CR1: variants seen among roughly 807,000 people sequenced by gnomAD.
CR1 encodes the protein complement C3b/C4b receptor 1 (Knops blood group).
In CR1, 116 loss-of-function variants were observed where a neutral mutation model predicts 187.3. The ratio of observed to expected loss-of-function variants is 0.62; its 90% CI spans 0.53 to 0.72. The LOEUF (loss-of-function observed/expected upper bound fraction) is 0.72. Among genes scored for constraint, CR1 ranks in the 30% least tolerant of loss-of-function variants. The pLI is 0.00. For synonymous variants in CR1, 576 were observed against 747.1 expected, an observed-to-expected ratio of 0.77 and a Z score of 3.73; for missense variants, 1,731 against 2,110.7, an observed-to-expected ratio of 0.82 and a Z score of 3.52.
chr1:207,518,566 G>A (rs1245186840), intron 4 of CR1, among the ~76,000 whole-genome samples: 1 of 152,180 alleles, frequency 6.6e-6, no homozygotes, highest in African/African-American at 2.4e-5. Context: ...CAGAAATCCA[G>A]TTAAGATGTC....
At chr1:207,519,786 C>T (rs1659918777) in intron 4 of CR1, among the ~76,000 whole-genome samples, 1 of 152,032 alleles carries the variant, frequency 6.6e-6, no homozygotes, top group Admixed American at 6.6e-5. Flanking sequence ...AGGAAACTGA[C>T]GTACAGAAAA....
chr1:207,505,299 G>A (rs769562478), intron 1 of CR1, among the ~76,000 whole-genome samples: 1 of 152,096 alleles, frequency 6.6e-6, no homozygotes, highest in Non-Finnish European at 1.5e-5. Flanking sequence ...GCACAGGCAT[G>A]TGTACAGGCA....
intron 37 of CR1, among the ~76,000 whole-genome samples, chr1:207,610,413 G>A (rs1558265681): frequency 6.6e-6 from 1 of 152,034 alleles, no homozygotes; most frequent in Non-Finnish European, 1.5e-5. Context: ...GTTCACTGAA[G>A]CCTCTAACTC....
rs762000312 is a variant in CR1 at position 207,580,341 on chromosome 1, T to C, written c.5038T>C (p.Tyr1680His). 1 of 1,613,978 alleles carries C rather than the reference T, an allele frequency of 6.2e-7. No homozygotes were observed. The highest frequency in any genetic ancestry group is 1.7e-5 in the Admixed American group (1 of 60,020). ...QEVFYSCEPGYDLRGAASLHC... is the reference protein window; with the variant it reads ...QEVFYSCEPGHDLRGAASLHC... ...AGTGTTCTACAGCTGTGAGCCTGGC[T>C]ATGACCTCAGAGGGGCTGCGTCTCT... The change falls in exon 30 of 47, where the codon TAT becomes CAT. Residue 1680 changes from tyrosine (Y) to histidine (H), a missense_variant. By Grantham distance (83) the Tyr-to-His change is moderately conservative. Coordinates refer to ENST00000367049, the MANE Select transcript of CR1 (RefSeq NM_000651.6).
intron 36 of CR1, among the ~76,000 whole-genome samples, chr1:207,608,059 T>G (rs546138144): frequency 2.0e-5 from 3 of 152,294 alleles, no homozygotes; most frequent in African/African-American, 7.2e-5. Context: ...TTTCCCAGAA[T>G]TTAGCCCAAG....
chr1:207,511,024 A>G (rs1353501344), intron 3 of CR1, among the ~76,000 whole-genome samples: 1 of 151,214 alleles, frequency 6.6e-6, no homozygotes. Flanking sequence ...TTCTCACTAT[A>G]TTGCCCAGGC....
intron 35 of CR1, among the ~76,000 whole-genome samples, chr1:207,605,173 T>C (rs1276030456): frequency 1.3e-5 from 2 of 149,594 alleles, no homozygotes; most frequent in Non-Finnish European, 3.0e-5. Context: ...GGTGGGAGAA[T>C]GGTTTGAACC....
At chr1:207,524,983 T>A (rs1660123053) in intron 5 of CR1, among the ~76,000 whole-genome samples, 1 of 152,020 alleles carries the variant, frequency 6.6e-6, no homozygotes, top group African/African-American at 2.4e-5. Context: ...GAGGCATGGC[T>A]AGGGACCCCT....
intron 37 of CR1, among the ~76,000 whole-genome samples, chr1:207,611,394 A>G (rs917352501): frequency 6.6e-6 from 1 of 152,186 alleles, no homozygotes; most frequent in African/African-American, 2.4e-5. Context: ...GTGCTCCATA[A>G]CCAGTAGTTG....
intron 46 of CR1, among the ~76,000 whole-genome samples, chr1:207,637,828 T>C (rs1450905060): frequency 2.0e-5 from 3 of 152,212 alleles, no homozygotes; most frequent in African/African-American, 7.2e-5. Context: ...GATGGGTTCA[T>C]CGTAGATCTT....
chr1:207,593,805 GA>G (rs1447844810), intron 35 of CR1, among the ~76,000 whole-genome samples: 2 of 152,158 alleles, frequency 1.3e-5, no homozygotes, highest in Non-Finnish European at 2.9e-5. Context: ...GATATGAACA[GA>G]CATTTCTCAA....
rs1019953831 is a variant in CR1, at chr1:207,640,767, C to T, written c.*1358C>T. On this transcript the variant is annotated 3_prime_UTR_variant, in exon 47 of 47. Coordinates refer to ENST00000367049, the MANE Select transcript of CR1 (RefSeq NM_000651.6). ...AATATTTCTGGATATTTAATAATAG[C>T]TTTATATATGACTAATGCTCATTTC... The T allele has an allele frequency of 6.6e-6, 1 of 152,130 alleles. No homozygotes were observed. The highest frequency in any genetic ancestry group is 2.4e-5 in the African/African-American group (1 of 41,412). 9.4% of individuals were successfully genotyped at this position (152,130 alleles called of 1,614,324 possible).
In CR1 at chr1:207,578,143, C is replaced by T. The variant is rs776396416; in HGVS notation, c.4876C>T (p.Arg1626Cys). 9 of 1,611,688 alleles carry T rather than the reference C, an allele frequency of 5.6e-6. No individual in the cohort carries two copies. The highest frequency in any genetic ancestry group is 2.7e-5 in the African/African-American group (2 of 74,840). ...GCCTGGCTTTGTCATGAAAGGACCCCGCCGTGTGAAGTGCCAGGCCCTGAA... is the reference window on the plus strand; with the variant it reads ...GCCTGGCTTTGTCATGAAAGGACCCTGCCGTGTGAAGTGCCAGGCCCTGAA... Reference protein sequence around the residue: ...CQPGFVMKGPRRVKCQALNKW... With the variant: ...CQPGFVMKGPCRVKCQALNKW... The change falls in exon 29 of 47, where the codon CGC (arginine) becomes TGC (cysteine). Residue 1626 changes from arginine to cysteine, a missense_variant. Transcript: ENST00000367049.
chr1:207,504,775 A>T (rs1406671849), intron 1 of CR1, among the ~76,000 whole-genome samples: 1 of 152,220 alleles, frequency 6.6e-6, no homozygotes, highest in African/African-American at 2.4e-5. Flanking sequence ...TTTTTTAAAA[A>T]GGAGCCCATT....
intron 36 of CR1, 51 bp from the exon 37 acceptor site, chr1:207,609,239 T>C: frequency 6.9e-7 from 1 of 1,443,912 alleles, no homozygotes. Context: ...CATAGTAAAA[T>C]AATTCATTAT....
chr1:207,620,052 C>T lies in CR1; in HGVS notation c.7239C>T (p.Ala2413=), dbSNP rs1433123287. 1.2e-6 allele frequency: 2 copies of T among 1,610,106 alleles called. No individual in the cohort carries two copies. The highest frequency in any genetic ancestry group is 2.2e-5 in the South Asian group (2 of 89,918). Residue 2413 remains alanine, a synonymous_variant, in exon 43 of 47, where the codon GCC becomes GCT. Coordinates refer to ENST00000367049, the MANE Select transcript of CR1 (RefSeq NM_000651.6). The part of the protein sequence containing the change: ...QADDRWDPPL[A]KCTSRTHDAL... ...ATGACAGATGGGACCCTCCTCTGGC[C>T]AAATGTACCTCTCGTAAGTGCAAGT...
chr1:207,578,251 C>T (rs1558243247), intron 29 of CR1, 48 bp downstream of exon 29: 2 of 1,611,478 alleles, frequency 1.2e-6, no homozygotes, highest in Admixed American at 3.3e-5. Flanking sequence ...ACATGTGTTG[C>T]TGTTGGATCA....
intron 27 of CR1, among the ~76,000 whole-genome samples, chr1:207,574,091 A>T (rs1660660447): frequency 6.6e-6 from 1 of 152,136 alleles, no homozygotes; most frequent in Non-Finnish European, 1.5e-5. Flanking sequence ...CTTGATGGCA[A>T]CCTGCACTCC....
chr1:207,585,268 C>A (rs1336699444), intron 33 of CR1, among the ~76,000 whole-genome samples: 1 of 152,198 alleles, frequency 6.6e-6, no homozygotes, highest in African/African-American at 2.4e-5. Flanking sequence ...GGTACATGGG[C>A]ATGCAAAGTT....
Sources: gnomAD v4.1 joint callset for allele counts (sites outside exome capture counted in the v4.1 genomes callset) on GRCh38, gnomAD v4.1.1 for gene constraint, MANE v1.5 for transcripts, NCBI Gene and HGNC (gene_info 2026-07-23, HGNC 2026-07-21) for gene names.